MEF2A: variants seen among roughly 807,000 people sequenced by gnomAD.
The protein encoded by MEF2A is myocyte-specific enhancer factor 2A.
MEF2A carries 28 observed loss-of-function variants against 55.8 expected under a neutral mutation model. The ratio of observed to expected loss-of-function variants is 0.50; its 90% CI spans 0.37 to 0.69. MEF2A has a LOEUF of 0.69. Among genes scored for constraint, MEF2A ranks in the 30% least tolerant of loss-of-function variants. The pLI is 0.00. For synonymous variants in MEF2A, 239 were observed against 227.1 expected, an observed-to-expected ratio of 1.05 and a Z score of -0.47; for missense variants, 528 against 626.2, an observed-to-expected ratio of 0.84 and a Z score of 1.67.
chr15:99,629,439 G>C (rs890031186), intron 2 of MEF2A, among the ~76,000 whole-genome samples: 1 of 152,192 alleles, frequency 6.6e-6, no homozygotes, highest in Non-Finnish European at 1.5e-5. Flanking sequence ...GTCTGGGGTC[G>C]GGTCGTACAA....
rs916319304 is a variant in MEF2A, at chr15:99,640,799, T to C, written c.55-4762T>C. 2.6e-5 allele frequency among the ~76,000 whole-genome samples: 4 copies of C among 152,138 alleles called. No individual in the cohort carries two copies. The South Asian group carries it at 8.3e-4, about 32-fold the overall frequency. ...CCTGAGCTCAAGTGATCCTCCCACC[T>C]GGCCCTCCCAAAGTGCTGGGATTAT... On this transcript the variant is annotated intron_variant, in intron 3 of 11. Transcript: ENST00000557942.
At chr15:99,613,117 T>C (rs2039586204) in intron 2 of MEF2A, among the ~76,000 whole-genome samples, 1 of 152,192 alleles carries the variant, frequency 6.6e-6, no homozygotes, top group Non-Finnish European at 1.5e-5. Context: ...AAGAGTGTAA[T>C]ATTGTAATAT....
At chr15:99,641,254 A>C (rs2044866128) in intron 3 of MEF2A, among the ~76,000 whole-genome samples, 1 of 152,086 alleles carries the variant, frequency 6.6e-6, no homozygotes, top group Non-Finnish European at 1.5e-5. Context: ...GTCAGTTTCT[A>C]CCTGATGTCT....
At chr15:99,580,695 T>C (rs1965673778) in intron 1 of MEF2A, among the ~76,000 whole-genome samples, 1 of 152,228 alleles carries the variant, frequency 6.6e-6, no homozygotes, top group South Asian at 2.1e-4. Flanking sequence ...ATGAAGGAGT[T>C]ATAGGCCTGT....
intron 7 of MEF2A, among the ~76,000 whole-genome samples, chr15:99,680,800 T>C (rs1271931240): frequency 2.6e-5 from 4 of 152,210 alleles, no homozygotes; most frequent in African/African-American, 9.6e-5. Context: ...TGTTTTTCAC[T>C]CTTTTTCTAG....
At chr15:99,592,941 A>T (rs182795028) in intron 1 of MEF2A, among the ~76,000 whole-genome samples, 1 of 152,330 alleles carries the variant, frequency 6.6e-6, no homozygotes, top group East Asian at 1.9e-4. Context: ...AAAAACATAT[A>T]TGAAAATCTC....
chr15:99,710,114 A>G (rs1184364538), intron 10 of MEF2A, among the ~76,000 whole-genome samples: 1 of 152,226 alleles, frequency 6.6e-6, no homozygotes, highest in African/African-American at 2.4e-5. Context: ...ATGGCCTCTT[A>G]TTTGAATCAT....
At chr15:99,666,357 C>T (rs1333525316) in intron 4 of MEF2A, among the ~76,000 whole-genome samples, 1 of 152,016 alleles carries the variant, frequency 6.6e-6, no homozygotes, top group Non-Finnish European at 1.5e-5. Flanking sequence ...CTAAACACCG[C>T]ATGTTCTCAC....
chr15:99,594,710 C>T (rs1970574429), intron 1 of MEF2A, among the ~76,000 whole-genome samples: 2 of 152,148 alleles, frequency 1.3e-5, no homozygotes, highest in South Asian at 4.1e-4. Flanking sequence ...GCCACTCCAG[C>T]AGAAACCAAA....
intron 7 of MEF2A, among the ~76,000 whole-genome samples, chr15:99,679,656 G>A (rs1370624096): frequency 6.6e-6 from 1 of 152,138 alleles, no homozygotes; most frequent in Admixed American, 6.5e-5. Context: ...AACTTCTGGG[G>A]TTCTGGCAGT....
At chr15:99,677,413 A>G (rs749933389) in intron 7 of MEF2A, among the ~76,000 whole-genome samples, 8 of 152,126 alleles carry the variant, frequency 5.3e-5, no homozygotes, top group Non-Finnish European at 2.9e-5. Context: ...GAAATTTTAG[A>G]ACAAAAAAAC....
chr15:99,680,659 T>C (rs2053070904), intron 7 of MEF2A, among the ~76,000 whole-genome samples: 1 of 152,184 alleles, frequency 6.6e-6, no homozygotes, highest in African/African-American at 2.4e-5. Context: ...TTCAACAATA[T>C]GAAAATGAAG....
rs1280799728 is a variant in MEF2A at position 99,583,138 on chromosome 15, C to T, written c.-224-15292C>T. Among the ~76,000 whole-genome samples the T allele has an allele frequency of 5.3e-5, 8 of 152,040 alleles. No individual in the cohort carries two copies. The East Asian group carries it at 9.7e-4, about 18-fold the overall frequency. On this transcript the variant is annotated intron_variant, in intron 1 of 11. Coordinates refer to ENST00000557942, the MANE Select transcript of MEF2A (RefSeq NM_001319206.4). Reference sequence around the variant, plus strand: ...AAGACCTTTTGGAATTTTTATTTTCCGTTAGTTCAGGTGCTTTTTGTTCGT... The same window carrying T: ...AAGACCTTTTGGAATTTTTATTTTCTGTTAGTTCAGGTGCTTTTTGTTCGT...
At chr15:99,676,687 A>C (rs965193076) in intron 7 of MEF2A, among the ~76,000 whole-genome samples, 1 of 151,280 alleles carries the variant, frequency 6.6e-6, no homozygotes, top group African/African-American at 2.4e-5. Context: ...ATTCTGCCTC[A>C]GCCTCCCGAG....
chr15:99,628,127 G>A (rs924847901), intron 2 of MEF2A, among the ~76,000 whole-genome samples: 2 of 152,166 alleles, frequency 1.3e-5, no homozygotes, highest in African/African-American at 4.8e-5. Context: ...GGTACACTCA[G>A]ATTTAGAACT....
chr15:99,712,824 A>C lies in MEF2A; in HGVS notation c.*53A>C, dbSNP rs908963461. 172 of 1,517,238 alleles carry C rather than the reference A, an allele frequency of 1.1e-4. 1 individual carries two copies. The highest frequency in any genetic ancestry group is 7.0e-4 in the Middle Eastern group (4 of 5,740). 94.0% of individuals were successfully genotyped at this position (1,517,238 alleles called of 1,614,324 possible). A position where few individuals can be genotyped will look rare whatever the true frequency, so the allele number is the denominator to read the frequency against. On this transcript the variant is annotated 3_prime_UTR_variant, in exon 12 of 12. Coordinates refer to ENST00000557942, the MANE Select transcript of MEF2A (RefSeq NM_001319206.4). The surrounding 1 kb of genome is among the most constrained non-coding windows in gnomAD (Gnocchi z 4.1). ...GTGTTACTGCAGTGACCTGCCCTAC[A>C]TATCTAAATCGGTAAATAAGGACAT...
At chr15:99,664,830 C>T (rs1324730837) in intron 4 of MEF2A, among the ~76,000 whole-genome samples, 1 of 152,064 alleles carries the variant, frequency 6.6e-6, no homozygotes, top group Non-Finnish European at 1.5e-5. Context: ...TATAAATCTT[C>T]CAAGTTGCAG....
chr15:99,690,184 G>C, intron 7 of MEF2A, 57 bp from the exon 8 acceptor site: 2 of 1,525,304 alleles, frequency 1.3e-6, no homozygotes, highest in Non-Finnish European at 8.9e-7. Context: ...TGATTTGTTT[G>C]TGCCAAAGTA....
chr15:99,578,778 A>C (rs923766707), intron 1 of MEF2A, among the ~76,000 whole-genome samples: 4 of 152,256 alleles, frequency 2.6e-5, no homozygotes, highest in African/African-American at 9.6e-5. Context: ...GAAGTTAGAG[A>C]AATAGCATTC....
Sources: gnomAD v4.1 joint callset for allele counts (sites outside exome capture counted in the v4.1 genomes callset) on GRCh38, gnomAD v4.1.1 for gene constraint, Gnocchi (gnomAD v3.1) non-coding constraint, MANE v1.5 for transcripts, NCBI Gene and HGNC (gene_info 2026-07-23, HGNC 2026-07-21) for gene names.